ARHGAP12: variants seen among roughly 807,000 people sequenced by gnomAD.
ARHGAP12 encodes Rho GTPase activating protein 12, also known as rho GTPase-activating protein 12.
Under a neutral mutation model 108.6 loss-of-function variants are expected in ARHGAP12, and 64 were observed. That is an observed-to-expected ratio of 0.59 (90% CI 0.48 to 0.73). The LOEUF (loss-of-function observed/expected upper bound fraction) is 0.73, where lower values mean the gene tolerates loss of function less well. ARHGAP12 is among the 30% of genes least tolerant of loss of function. The pLI is 0.00. For synonymous variants in ARHGAP12, 312 were observed against 337.2 expected, an observed-to-expected ratio of 0.93 and a Z score of 0.82; for missense variants, 940 against 1,005.9, an observed-to-expected ratio of 0.93 and a Z score of 0.89.
intron 16 of ARHGAP12, 71 bp downstream of exon 16, chr10:31,810,578 G>T: frequency 9.4e-7 from 1 of 1,066,972 alleles, no homozygotes; most frequent in Non-Finnish European, 1.4e-6. Flanking sequence ...AAAAATTCTA[G>T]GAATTTTGAT....
In ARHGAP12 at chr10:31,810,674, TA is replaced by T; in HGVS notation, c.2024del (p.Leu675TyrfsTer19). ...ENGTVPKFVK[L>X]CIEHVEEHGL... Reference sequence around the variant, plus strand: ...CATGTTCTTCAACATGTTCAATACATAACTTCACAAACTTTGGTACTGTGCC... The same window carrying T: ...CATGTTCTTCAACATGTTCAATACATACTTCACAAACTTTGGTACTGTGCC... On this transcript the variant is annotated frameshift_variant, in exon 16 of 20. Coordinates refer to ENST00000344936, the MANE Select transcript of ARHGAP12 (RefSeq NM_018287.7). LOFTEE classifies it high-confidence loss of function. The T allele has an allele frequency of 6.2e-7, 1 of 1,605,000 alleles. No homozygotes were observed. Among genetic ancestry groups the T allele is most frequent in the Non-Finnish European group, 8.5e-7 (1 of 1,176,334 alleles).
intron 3 of ARHGAP12, among the ~76,000 whole-genome samples, chr10:31,873,700 C>T (rs1314761242): frequency 6.6e-6 from 1 of 152,220 alleles, no homozygotes; most frequent in Non-Finnish European, 1.5e-5. Flanking sequence ...TCTGATGATT[C>T]TCCTGTTCTC....
intron 12 of ARHGAP12, among the ~76,000 whole-genome samples, chr10:31,819,344 C>G (rs1176612213): frequency 6.6e-6 from 1 of 152,112 alleles, no homozygotes; most frequent in East Asian, 1.9e-4. Context: ...CTACACAACA[C>G]AACAGGAAAG....
chr10:31,809,069 G>C lies in ARHGAP12; in HGVS notation c.2188C>G (p.Leu730Val). Residue 730 changes from leucine (L) to valine (V), a missense_variant, in exon 18 of 20, where the codon CTC becomes GTC. By Grantham distance (32) the Leu-to-Val change is conservative. Coordinates refer to ENST00000344936, the MANE Select transcript of ARHGAP12 (RefSeq NM_018287.7). Reference protein sequence around the residue: ...WEDIHVITGALKMFFRELPEP... With the variant: ...WEDIHVITGAVKMFFRELPEP... ...GGTAATTCTCGAAAAAACATTTTGA[G>C]GGCTCCAGTAATGACATGAATATCT... 6.2e-7 allele frequency: 1 copy of C among 1,612,482 alleles called. No homozygotes were observed. Among genetic ancestry groups the C allele is most frequent in the Non-Finnish European group, 8.5e-7 (1 of 1,179,094 alleles).
At chr10:31,822,930 C>T (rs1592254589) in intron 11 of ARHGAP12, among the ~76,000 whole-genome samples, 1 of 151,970 alleles carries the variant, frequency 6.6e-6, no homozygotes, top group African/African-American at 2.4e-5. Context: ...ACAGCCCCAC[C>T]GACAACAAAT....
intron 1 of ARHGAP12, among the ~76,000 whole-genome samples, chr10:31,914,526 C>A (rs537222283): frequency 1.0e-3 from 153 of 151,802 alleles, no homozygotes; most frequent in African/African-American, 3.4e-3. Flanking sequence ...ACACAAAAAG[C>A]CAATAAGTGT....
Position 31,810,632 on chromosome 10 carries a change from C to A in ARHGAP12, c.2050+17G>T. On this transcript the variant is annotated intron_variant, in intron 16 of 19. Transcript: ENST00000344936. ...TTTGCTTAATGTTAAAAAAAAAAAT[C>A]AAAATCCTTCTCTTACCATGTTCTT... is the stretch of plus-strand genomic sequence containing the variant. 7 of 1,504,148 alleles carry A rather than the reference C, an allele frequency of 4.7e-6. No individual in the cohort carries two copies. The highest frequency in any genetic ancestry group is 2.4e-5 in the East Asian group (1 of 41,562). 93.2% of individuals were successfully genotyped at this position (1,504,148 alleles called of 1,614,324 possible). A position where few individuals can be genotyped will look rare whatever the true frequency, so the allele number is the denominator to read the frequency against.
intron 10 of ARHGAP12, among the ~76,000 whole-genome samples, chr10:31,829,906 A>C (rs946749988): frequency 6.6e-6 from 1 of 152,184 alleles, no homozygotes; most frequent in African/African-American, 2.4e-5. Flanking sequence ...TAGTTGTGAA[A>C]AGGATTTTTT....
In ARHGAP12 at chr10:31,869,538, AAAACAAAC is replaced by A. The variant is rs144777314; in HGVS notation, c.685-7888_685-7881del. 2.9e-3 allele frequency among the ~76,000 whole-genome samples: 446 copies of A among 151,792 alleles called. 1 individual carries two copies. The highest frequency in any genetic ancestry group is 0.017 in the Middle Eastern group (5 of 294). On this transcript the variant is annotated intron_variant, in intron 3 of 19. Coordinates refer to ENST00000344936, the MANE Select transcript of ARHGAP12 (RefSeq NM_018287.7). The stretch of plus-strand genomic sequence containing the variant: ...GGTAACAGAGCGAGACTCTGTCTCA[AAAACAAAC>A]AAACAAACAAACAACAAAACACCAC...
rs1164946587 is a variant in ARHGAP12 at position 31,808,976 on chromosome 10, G to A, written c.2263+18C>T. The A allele has an allele frequency of 1.9e-6, 3 of 1,549,498 alleles. No individual in the cohort carries two copies. Among genetic ancestry groups the A allele is most frequent in the Non-Finnish European group, 2.6e-6 (3 of 1,138,802 alleles). On this transcript the variant is annotated intron_variant, in intron 18 of 19. Coordinates refer to ENST00000344936, the MANE Select transcript of ARHGAP12 (RefSeq NM_018287.7). ...ATTTTCAATATCTAGAAAAAACTGAGTAGAATTACATACTTACTAATTGCA... is the reference window on the plus strand; with the variant it reads ...ATTTTCAATATCTAGAAAAAACTGAATAGAATTACATACTTACTAATTGCA...
At chr10:31,872,613 C>T (rs2778669) in intron 3 of ARHGAP12, among the ~76,000 whole-genome samples, 78,085 of 151,950 alleles carry the variant, frequency 0.51, 20,378 homozygotes, top group African/African-American at 0.58. Context: ...TAAAATCACC[C>T]ATGGGGTCTA....
chr10:31,833,534 G>C (rs1234939137), intron 9 of ARHGAP12, among the ~76,000 whole-genome samples: 1 of 152,076 alleles, frequency 6.6e-6, no homozygotes, highest in Non-Finnish European at 1.5e-5. Flanking sequence ...TCAAAGAAAA[G>C]GTCCAGAACT....
At chr10:31,911,608 C>A (rs968599165) in intron 1 of ARHGAP12, among the ~76,000 whole-genome samples, 1 of 152,166 alleles carries the variant, frequency 6.6e-6, no homozygotes, top group African/African-American at 2.4e-5. Context: ...CCACACCCAG[C>A]CTACTTACTA....
At chr10:31,837,128 A>G (rs554473442) in intron 9 of ARHGAP12, among the ~76,000 whole-genome samples, 1 of 152,312 alleles carries the variant, frequency 6.6e-6, no homozygotes, top group African/African-American at 2.4e-5. Context: ...CTTTGCTTCT[A>G]GGATTACTTA....
chr10:31,820,737 T>A (rs889821159), intron 11 of ARHGAP12, among the ~76,000 whole-genome samples: 6 of 136,570 alleles, frequency 4.4e-5, no homozygotes, highest in South Asian at 2.3e-4. Context: ...TATATATATA[T>A]AAAGCCAAAC....
In ARHGAP12 at chr10:31,854,172, G is replaced by C; in HGVS notation, c.983C>G (p.Ser328Cys). 1 of 1,613,244 alleles carries C rather than the reference G, an allele frequency of 6.2e-7. No homozygotes were observed. Among genetic ancestry groups the C allele is most frequent in the Non-Finnish European group, 8.5e-7 (1 of 1,179,708 alleles). Residue 328 changes from serine (S) to cysteine (C), a missense_variant, in exon 5 of 20, where the codon TCT (serine) becomes TGT (cysteine). Coordinates refer to ENST00000344936, the MANE Select transcript of ARHGAP12 (RefSeq NM_018287.7). ...LSSEENYYSTSYSQSDSQCGS... is the reference protein window; with the variant it reads ...LSSEENYYSTCYSQSDSQCGS... Reference sequence around the variant, plus strand: ...ACACTGACTATCTGACTGGCTGTAAGAAGTGCTGTAGTAGTTTTCTTCCGA... The same window carrying C: ...ACACTGACTATCTGACTGGCTGTAACAAGTGCTGTAGTAGTTTTCTTCCGA...
At chr10:31,834,564 C>A (rs1393367263) in intron 9 of ARHGAP12, among the ~76,000 whole-genome samples, 2 of 152,152 alleles carry the variant, frequency 1.3e-5, no homozygotes, top group Admixed American at 6.5e-5. Flanking sequence ...GCTATACCAG[C>A]CCCAATGGAC....
intron 3 of ARHGAP12, among the ~76,000 whole-genome samples, chr10:31,902,143 T>A (rs1057442607): frequency 1.3e-5 from 2 of 152,162 alleles, no homozygotes; most frequent in African/African-American, 4.8e-5. Flanking sequence ...ACTTATTGTA[T>A]AGCTATGGTA....
chr10:31,843,926 T>C (rs989379525), intron 6 of ARHGAP12, among the ~76,000 whole-genome samples: 4 of 152,208 alleles, frequency 2.6e-5, no homozygotes, highest in Non-Finnish European at 5.9e-5. Context: ...AAGAAGAAAG[T>C]ATTAAAAGAG....
Sources: gnomAD v4.1 joint callset for allele counts (sites outside exome capture counted in the v4.1 genomes callset) on GRCh38, gnomAD v4.1.1 for gene constraint, MANE v1.5 for transcripts, NCBI Gene and HGNC (gene_info 2026-07-23, HGNC 2026-07-21) for gene names.